The following ZNF430 variants were observed in gnomAD, a reference collection of about 807,000 sequenced individuals.
The protein encoded by ZNF430 is zinc finger protein 430.
In ZNF430, 35 loss-of-function variants were observed where a neutral mutation model predicts 56.7. The ratio of observed to expected loss-of-function variants is 0.62; its 90% CI spans 0.47 to 0.82. ZNF430 has a LOEUF of 0.82. Ranked by LOEUF, ZNF430 falls within the 40% of genes least tolerant of loss-of-function variation. The probability of loss-of-function intolerance (pLI) is 0.00; values close to 1 mark genes in which losing one functional copy is unlikely to be tolerated. For missense variants in ZNF430, 574 were observed against 661.0 expected (o/e 0.87, Z 1.44); for synonymous variants, 212 against 224.3 (o/e 0.94, Z 0.49).
intron 4 of ZNF430, among the ~76,000 whole-genome samples, chr19:21,048,847 C>T (rs565100876): frequency 9.2e-5 from 14 of 151,948 alleles, no homozygotes; most frequent in South Asian, 4.2e-4. Flanking sequence ...GGTGGCTGGC[C>T]GGGCAGGGGC....
At chr19:21,049,797 G>A (rs149204889) in intron 4 of ZNF430, among the ~76,000 whole-genome samples, 98 of 151,788 alleles carry the variant, frequency 6.5e-4, no homozygotes, top group African/African-American at 2.3e-3. Context: ...TTTTTATTTT[G>A]TTTTTCAAGT....
chr19:21,031,133 C>T (rs1967894785), intron 2 of ZNF430, among the ~76,000 whole-genome samples: 1 of 152,172 alleles, frequency 6.6e-6, no homozygotes, highest in African/African-American at 2.4e-5. Flanking sequence ...ATCCATGTGC[C>T]TCGGCCTCCT....
chr19:21,038,400 A>G (rs964802125), intron 4 of ZNF430, among the ~76,000 whole-genome samples: 2 of 151,954 alleles, frequency 1.3e-5, no homozygotes, highest in African/African-American at 4.8e-5. Flanking sequence ...TGTCAATATT[A>G]CACTGTTTTT....
chr19:21,047,385 T>C lies in ZNF430; in HGVS notation c.323-9246T>C, dbSNP rs1030265778. On this transcript the variant is annotated intron_variant, in intron 4 of 4. Coordinates refer to ENST00000261560, the MANE Select transcript of ZNF430 (RefSeq NM_025189.4). ...CAGTTCTGTGCCCTTCCTGGAGATA[T>C]GCTGGGATCATTTGGAGGAAAGGAG... Among the ~76,000 whole-genome samples the C allele has an allele frequency of 9.2e-5, 14 of 152,354 alleles. No individual in the cohort carries two copies. The East Asian group carries it at 2.1e-3, about 23-fold the overall frequency.
At chr19:21,048,090 T>C (rs1319234489) in intron 4 of ZNF430, among the ~76,000 whole-genome samples, 1 of 151,796 alleles carries the variant, frequency 6.6e-6, no homozygotes, top group Non-Finnish European at 1.5e-5. Flanking sequence ...ATTTTTTGCA[T>C]ACTTTTTATA....
intron 4 of ZNF430, chr19:21,035,303 A>G (rs1967976147): frequency 6.6e-6 from 1 of 152,124 alleles, no homozygotes; most frequent in African/African-American, 2.4e-5. Context: ...TTATCATTTT[A>G]ATGCTATTTT....
At chr19:21,021,051 T>C (rs1974288833) in intron 1 of ZNF430, among the ~76,000 whole-genome samples, 1 of 152,166 alleles carries the variant, frequency 6.6e-6, no homozygotes, top group African/African-American at 2.4e-5. Flanking sequence ...TCTGGGCAGC[T>C]CTGCATCCGC....
chr19:21,052,429 T>A (rs73531886), intron 4 of ZNF430, among the ~76,000 whole-genome samples: 4,773 of 152,268 alleles, frequency 0.031, 234 homozygotes, highest in African/African-American at 0.11. Flanking sequence ...TGTCCTACCA[T>A]AATTATATTA....
intron 4 of ZNF430, among the ~76,000 whole-genome samples, chr19:21,037,252 C>T (rs1968018323): frequency 1.3e-5 from 2 of 151,748 alleles, no homozygotes; most frequent in African/African-American, 4.8e-5. Flanking sequence ...GTAGCTGGGA[C>T]TACAGGCATG....
At chr19:21,045,021 A>G (rs539632954) in intron 4 of ZNF430, among the ~76,000 whole-genome samples, 1 of 152,116 alleles carries the variant, frequency 6.6e-6, no homozygotes, top group Non-Finnish European at 1.5e-5. Flanking sequence ...TTCAAAAAAA[A>G]TAGCTCCTGG....
intron 2 of ZNF430, among the ~76,000 whole-genome samples, chr19:21,024,529 C>T (rs1967756036): frequency 6.6e-6 from 1 of 152,104 alleles, no homozygotes; most frequent in Non-Finnish European, 1.5e-5. Flanking sequence ...CCTGTAATCT[C>T]AGCACTTTGG....
intron 4 of ZNF430, 28 bp downstream of exon 4, chr19:21,034,212 C>A: frequency 1.4e-6 from 2 of 1,431,100 alleles, no homozygotes; most frequent in Non-Finnish European, 1.9e-6. Flanking sequence ...CAACAGACGA[C>A]ATGAATGAGA....
chr19:21,023,470 C>A (rs1015212274), intron 2 of ZNF430, among the ~76,000 whole-genome samples: 3 of 152,160 alleles, frequency 2.0e-5, no homozygotes, highest in African/African-American at 7.2e-5. Context: ...AAAATAGTAT[C>A]TAATAATATA....
intron 2 of ZNF430, among the ~76,000 whole-genome samples, chr19:21,030,707 C>T (rs899669434): frequency 7.9e-5 from 12 of 152,110 alleles, no homozygotes; most frequent in South Asian, 2.1e-4. Flanking sequence ...GGGGGAACAA[C>T]ATCAGCATTG....
At chr19:21,037,548 G>C (rs1299324020) in intron 4 of ZNF430, among the ~76,000 whole-genome samples, 2 of 152,146 alleles carry the variant, frequency 1.3e-5, no homozygotes, top group Non-Finnish European at 2.9e-5. Context: ...CAATAAACAT[G>C]GATGTTCAAA....
At chr19:21,025,124 A>G (rs7248087) in intron 2 of ZNF430, among the ~76,000 whole-genome samples, 105,008 of 152,132 alleles carry the variant, frequency 0.69, 40,196 homozygotes, top group East Asian at 0.87. Context: ...AAGCAAGTTT[A>G]TTAGGAAACA....
intron 4 of ZNF430, among the ~76,000 whole-genome samples, chr19:21,053,757 ATATG>A (rs1337124217): frequency 6.6e-6 from 1 of 152,180 alleles, no homozygotes; most frequent in Non-Finnish European, 1.5e-5. Flanking sequence ...TTAGTTATAT[ATATG>A]TATGTGTATA....
rs113888353 is a variant in ZNF430, at chr19:21,040,161, A to G, written c.322+5977A>G. On this transcript the variant is annotated intron_variant, in intron 4 of 4. Coordinates refer to ENST00000261560, the MANE Select transcript of ZNF430 (RefSeq NM_025189.4). The stretch of plus-strand genomic sequence containing the variant: ...GTGGTATTCTTTAATAAGACTTGTT[A>G]TGTGTCCTAACAGAATATATCACAT... 1.0e-3 allele frequency among the ~76,000 whole-genome samples: 155 copies of G among 152,312 alleles called. 1 individual carries two copies. Among genetic ancestry groups the G allele is most frequent in the African/African-American group, 3.2e-3 (133 of 41,578 alleles).
Position 21,037,409 on chromosome 19 carries a change from G to A in ZNF430, c.322+3225G>A, listed in dbSNP as rs144710852. Among the ~76,000 whole-genome samples, 334 of 152,140 alleles carry A rather than the reference G, an allele frequency of 2.2e-3. 2 individuals are homozygous for A. The highest frequency in any genetic ancestry group is 7.9e-3 in the African/African-American group (326 of 41,520). ...CTGGGATTACAGGTGTGAGTCACAC[G>A]CTTGGCAAGATTTTGTTTTTTAAGA... On this transcript the variant is annotated intron_variant, in intron 4 of 4. Transcript: ENST00000261560.
Sources: gnomAD v4.1 joint callset for allele counts (sites outside exome capture counted in the v4.1 genomes callset) on GRCh38, gnomAD v4.1.1 for gene constraint, MANE v1.5 for transcripts, NCBI Gene and HGNC (gene_info 2026-07-23, HGNC 2026-07-21) for gene names.